The following DNAH7 variants were observed in gnomAD, a reference collection of about 807,000 sequenced individuals.
DNAH7 encodes axonemal beta dynein heavy chain 7.
DNAH7 carries 397 observed loss-of-function variants against 444.6 expected under a neutral mutation model. The observed-to-expected ratio is 0.89, with a 90% confidence interval of 0.82 to 0.97. The LOEUF is 0.97. Ranked by LOEUF, DNAH7 falls within the 50% of genes least tolerant of loss-of-function variation. DNAH7 has a pLI of 0.00. For synonymous variants in DNAH7, 1,636 were observed against 1,624.4 expected (o/e 1.01, Z -0.17); for missense variants, 4,902 against 4,800.8 (o/e 1.02, Z -0.62).
Position 195,857,498 on chromosome 2 carries a change from T to C in DNAH7, c.8293A>G (p.Met2765Val). 1 of 1,613,836 alleles carries C rather than the reference T, an allele frequency of 6.2e-7. No homozygotes were observed. Among genetic ancestry groups the C allele is most frequent in the Non-Finnish European group, 8.5e-7 (1 of 1,179,880 alleles). Residue 2765 changes from methionine to valine, a missense_variant, in exon 44 of 65, where the codon ATG becomes GTG. Transcript: ENST00000312428. ...YDKDNIPPAY[M>V]NIIRKNYIPN... is the part of the protein sequence containing the mutation. ...ATATAATTTTTTCTTATGATATTCA[T>C]ATAAGCTGGAGGAATATTGTCCTTG...
Position 196,007,449 on chromosome 2 carries a change from TA to T in DNAH7, c.989+5337del, listed in dbSNP as rs1455063477. ...TTGGTTTGTAAAGGTCAAAAAGGCC[TA>T]AATGTAGGAGCTACAACTATAGAAT... On this transcript the variant is annotated intron_variant, in intron 10 of 64. Transcript: ENST00000312428. 2.6e-5 allele frequency among the ~76,000 whole-genome samples: 4 copies of T among 152,270 alleles called. No individual in the cohort carries two copies. In the East Asian group the frequency reaches 7.7e-4, roughly 29 times the overall value.
At chr2:195,879,976 G>T (rs1339111794) in intron 36 of DNAH7, among the ~76,000 whole-genome samples, 1 of 151,618 alleles carries the variant, frequency 6.6e-6, no homozygotes, top group Non-Finnish European at 1.5e-5. Context: ...TTTTTTTGTT[G>T]TATTGTTTTA....
chr2:196,004,906 T>C (rs575902309), intron 10 of DNAH7, among the ~76,000 whole-genome samples: 2 of 131,958 alleles, frequency 1.5e-5, no homozygotes, highest in South Asian at 4.7e-4. Flanking sequence ...GAGGATGCAG[T>C]GAGCCATGTT....
intron 5 of DNAH7, among the ~76,000 whole-genome samples, chr2:196,044,557 A>T (rs915560524): frequency 6.6e-6 from 1 of 152,134 alleles, no homozygotes; most frequent in Admixed American, 6.5e-5. Flanking sequence ...TTACCCATGT[A>T]ACCAAACACC....
intron 57 of DNAH7, among the ~76,000 whole-genome samples, chr2:195,789,675 T>C (rs1253452917): frequency 2.0e-5 from 3 of 152,082 alleles, no homozygotes; most frequent in African/African-American, 7.2e-5. Context: ...AATGGCATCA[T>C]GTGCCTCCAG....
Position 195,858,799 on chromosome 2 carries a change from A to T in DNAH7, c.7742T>A (p.Val2581Glu). ...KLLLEKKRSE[V>E]MKMKKRYEVG... ...TTCATATCTCTTTTTCATTTTCATT[A>T]CTTCACTGGAAGGAAATAGATAAAA... Residue 2581 changes from valine to glutamate, a missense_variant, in exon 43 of 65, where the codon GTA becomes GAA. Coordinates refer to ENST00000312428, the MANE Select transcript of DNAH7 (RefSeq NM_018897.3). 6.2e-7 allele frequency: 1 copy of T among 1,603,472 alleles called. No individual in the cohort carries two copies. The highest frequency in any genetic ancestry group is 8.5e-7 in the Non-Finnish European group (1 of 1,175,182).
In DNAH7 at chr2:195,834,744, T is replaced by C. The variant is rs1698250711; in HGVS notation, c.8946-384A>G. 2.0e-5 allele frequency among the ~76,000 whole-genome samples: 3 copies of C among 152,344 alleles called. No individual in the cohort carries two copies. In the East Asian group the frequency reaches 5.8e-4, roughly 29 times the overall value. On this transcript the variant is annotated intron_variant, in intron 47 of 64. Coordinates refer to ENST00000312428, the MANE Select transcript of DNAH7 (RefSeq NM_018897.3). ...TAAGCCCTCCCATTAATGAATCATGTGACCTTGAGTAAGTCACTTTGCTTC... is the reference window on the plus strand; with the variant it reads ...TAAGCCCTCCCATTAATGAATCATGCGACCTTGAGTAAGTCACTTTGCTTC...
In DNAH7 at chr2:195,781,588, G is replaced by A. The variant is rs1695378185; in HGVS notation, c.10879-3603C>T. Among the ~76,000 whole-genome samples, 6 of 152,284 alleles carry A rather than the reference G, an allele frequency of 3.9e-5. No homozygotes were observed. The South Asian group carries it at 1.0e-3, about 26-fold the overall frequency. On this transcript the variant is annotated intron_variant, in intron 58 of 64. Transcript: ENST00000312428. ...AGGGTTGAGACAATGAGCAGCAGGA[G>A]AGAGTAGGTGAAAACAGGGCTTGAA...
intron 12 of DNAH7, among the ~76,000 whole-genome samples, chr2:196,000,407 T>C (rs569648746): frequency 6.6e-6 from 1 of 152,310 alleles, no homozygotes; most frequent in South Asian, 2.1e-4. Context: ...GGCATGAGTT[T>C]ACAGGAAATG....
chr2:195,926,395 T>C, intron 22 of DNAH7, 31 bp downstream of exon 22: 1 of 1,465,090 alleles, frequency 6.8e-7, no homozygotes, highest in Non-Finnish European at 9.0e-7. Context: ...AAAAAATGCT[T>C]AAAAAAACCC....
chr2:195,946,568 A>G (rs1689820651), intron 19 of DNAH7, among the ~76,000 whole-genome samples: 1 of 152,204 alleles, frequency 6.6e-6, no homozygotes. Flanking sequence ...CAGGGCCTTC[A>G]CATCACTGAC....
intron 12 of DNAH7, among the ~76,000 whole-genome samples, chr2:195,989,302 C>A (rs928270828): frequency 1.3e-5 from 2 of 152,206 alleles, no homozygotes; most frequent in African/African-American, 2.4e-5. Context: ...TACATTCCCA[C>A]CAACAGTGTG....
intron 22 of DNAH7, among the ~76,000 whole-genome samples, chr2:195,924,736 T>G (rs1688228078): frequency 6.6e-6 from 1 of 152,206 alleles, no homozygotes; most frequent in Non-Finnish European, 1.5e-5. Context: ...GGGTTTGTGC[T>G]TCTTGAAATA....
intron 40 of DNAH7, 91 bp downstream of exon 40, chr2:195,872,159 T>C (rs1320587071): frequency 2.3e-5 from 24 of 1,059,468 alleles, no homozygotes; most frequent in South Asian, 6.4e-5. Context: ...ATTTCAGCAA[T>C]ATAAATTGAA....
chr2:195,927,608 T>C (rs550768885), intron 21 of DNAH7, among the ~76,000 whole-genome samples: 3 of 151,672 alleles, frequency 2.0e-5, no homozygotes, highest in African/African-American at 7.2e-5. Flanking sequence ...AAGGACACTG[T>C]GGGGAGAACA....
chr2:195,817,895 GTCAAGT>G, intron 49 of DNAH7, 66 bp from the exon 50 acceptor site: 1 of 1,248,254 alleles, frequency 8.0e-7, no homozygotes, highest in Non-Finnish European at 1.1e-6. Context: ...GCTTTTATGT[GTCAAGT>G]TCTGCCCTTA....
chr2:195,820,295 G>A (rs975669822), intron 49 of DNAH7, among the ~76,000 whole-genome samples: 1 of 151,730 alleles, frequency 6.6e-6, no homozygotes, highest in Non-Finnish European at 1.5e-5. Context: ...GGGCCTGTTG[G>A]GGGGTATGAG....
chr2:195,927,802 T>A (rs1688439963), intron 21 of DNAH7, among the ~76,000 whole-genome samples: 1 of 151,916 alleles, frequency 6.6e-6, no homozygotes, highest in Non-Finnish European at 1.5e-5. Flanking sequence ...AGCATGCAAA[T>A]ACACATAGCA....
intron 10 of DNAH7, among the ~76,000 whole-genome samples, chr2:196,008,252 AG>A (rs1235468407): frequency 2.0e-5 from 3 of 152,028 alleles, no homozygotes; most frequent in African/African-American, 7.2e-5. Flanking sequence ...CATAACCACG[AG>A]GGTGGCTACA....
Sources: allele counts gnomAD v4.1 joint callset (sites outside exome capture counted in the v4.1 genomes callset), GRCh38; gene constraint gnomAD v4.1.1; transcripts MANE v1.5; gene names NCBI Gene and HGNC (gene_info 2026-07-23, HGNC 2026-07-21).